Variants in DLG2 observed in about 807,000 individuals in gnomAD.
DLG2 encodes the protein discs large MAGUK scaffold protein 2.
In DLG2, 45 loss-of-function variants were observed where a neutral mutation model predicts 132.5. The ratio of observed to expected loss-of-function variants is 0.34; its 90% CI spans 0.27 to 0.44. DLG2 has a LOEUF of 0.44. DLG2 is among the 20% of genes least tolerant of loss of function. DLG2 has a pLI of 1.00. For synonymous variants in DLG2, 424 were observed against 419.6 expected, an observed-to-expected ratio of 1.01 and a Z score of -0.13; for missense variants, 1,045 against 1,196.9, an observed-to-expected ratio of 0.87 and a Z score of 1.87.
intron 9 of DLG2, among the ~76,000 whole-genome samples, chr11:84,120,667 CAAAT>C (rs989714790): frequency 6.6e-6 from 1 of 152,072 alleles, no homozygotes; most frequent in Non-Finnish European, 1.5e-5. Context: ...AAAAATTAAT[CAAAT>C]AATCTAGACT....
intron 7 of DLG2, among the ~76,000 whole-genome samples, chr11:84,397,044 C>T (rs2098813389): frequency 6.6e-6 from 1 of 152,132 alleles, no homozygotes; most frequent in Non-Finnish European, 1.5e-5. Flanking sequence ...ACTCCCTATG[C>T]AGTATGCATT....
At position 84,474,064 on chromosome 11, in the gene DLG2, G is replaced by A. The variant is rs539975012; in HGVS notation, c.519+60506C>T. On this transcript the variant is annotated intron_variant, in intron 7 of 27. Transcript: ENST00000376104. ...GTTCAATTCATACCTTCCATGTGGG[G>A]TATGACTCTGAAAACCTCCTCTTTC... Among the ~76,000 whole-genome samples, 133 of 152,018 alleles carry A rather than the reference G, an allele frequency of 8.7e-4. 1 individual carries two copies. The highest frequency in any genetic ancestry group is 3.0e-3 in the African/African-American group (125 of 41,504).
At chr11:84,218,297 G>C (rs931698431) in intron 8 of DLG2, among the ~76,000 whole-genome samples, 5 of 139,602 alleles carry the variant, frequency 3.6e-5, no homozygotes, top group African/African-American at 1.3e-4. Context: ...AAGAGAGAAA[G>C]AGAAAGAAAG....
intron 6 of DLG2, among the ~76,000 whole-genome samples, chr11:84,590,463 A>G (rs2099540117): frequency 6.6e-6 from 1 of 152,220 alleles, no homozygotes; most frequent in African/African-American, 2.4e-5. Flanking sequence ...CATGCTTTGT[A>G]ATAGGCAGGC....
chr11:84,569,898 A>G (rs2099473939), intron 6 of DLG2, among the ~76,000 whole-genome samples: 1 of 152,160 alleles, frequency 6.6e-6, no homozygotes, highest in African/African-American at 2.4e-5. Context: ...ATGAACATCC[A>G]CTTTACTTAA....
At chr11:84,648,388 A>C (rs376248394) in intron 6 of DLG2, among the ~76,000 whole-genome samples, 1 of 152,184 alleles carries the variant, frequency 6.6e-6, no homozygotes, top group Non-Finnish European at 1.5e-5. Context: ...AGTGCTTCCC[A>C]GTCTAATACA....
intron 6 of DLG2, among the ~76,000 whole-genome samples, chr11:84,652,524 A>G (rs1421970192): frequency 6.6e-6 from 1 of 152,150 alleles, no homozygotes; most frequent in Non-Finnish European, 1.5e-5. Context: ...ATTTGAAATC[A>G]AACTGTTTAT....
At chr11:85,528,195 C>A (rs186022055) in intron 3 of DLG2, among the ~76,000 whole-genome samples, 1 of 152,258 alleles carries the variant, frequency 6.6e-6, no homozygotes, top group East Asian at 1.9e-4. Context: ...TTAATTAGAT[C>A]CCATTTGTCA....
At chr11:84,502,230 CCT>C (rs1567804031) in intron 7 of DLG2, among the ~76,000 whole-genome samples, 8 of 22,200 alleles carry the variant, frequency 3.6e-4, no homozygotes, top group Admixed American at 3.0e-4. Context: ...TTCCTTCCTT[CCT>C]TCCTTCCTTC....
intron 3 of DLG2, among the ~76,000 whole-genome samples, chr11:85,592,559 GAAT>G (rs2079431395): frequency 6.6e-6 from 1 of 152,088 alleles, no homozygotes; most frequent in Admixed American, 6.5e-5. Flanking sequence ...TCTATCCATA[GAAT>G]AATTATTGTA....
At chr11:83,780,369 C>T (rs556509068) in intron 18 of DLG2, among the ~76,000 whole-genome samples, 2 of 152,168 alleles carry the variant, frequency 1.3e-5, no homozygotes, top group Non-Finnish European at 2.9e-5. Flanking sequence ...CCCCAAATAA[C>T]ATCAGAGTTT....
intron 6 of DLG2, among the ~76,000 whole-genome samples, chr11:84,835,314 G>C (rs2079599340): frequency 6.6e-6 from 1 of 151,566 alleles, no homozygotes; most frequent in Non-Finnish European, 1.5e-5. Context: ...TCTGGAGGTA[G>C]ACAGACCTAC....
chr11:83,909,351 G>A (rs2075634926), intron 15 of DLG2, among the ~76,000 whole-genome samples: 1 of 152,144 alleles, frequency 6.6e-6, no homozygotes. Context: ...ATTCCATCCA[G>A]CTGCAAGGTT....
At chr11:84,931,151 C>A (rs889032805) in intron 6 of DLG2, among the ~76,000 whole-genome samples, 1 of 152,102 alleles carries the variant, frequency 6.6e-6, no homozygotes, top group Non-Finnish European at 1.5e-5. Context: ...CCACCACAAC[C>A]TTTCAGTATT....
At chr11:85,512,923 A>C (rs1166925352) in intron 3 of DLG2, among the ~76,000 whole-genome samples, 1 of 152,102 alleles carries the variant, frequency 6.6e-6, no homozygotes, top group Non-Finnish European at 1.5e-5. Flanking sequence ...TCACAACAGC[A>C]AAAACATGGA....
intron 6 of DLG2, among the ~76,000 whole-genome samples, chr11:84,656,428 A>T (rs1399637069): frequency 6.6e-6 from 1 of 152,170 alleles, no homozygotes; most frequent in African/African-American, 2.4e-5. Flanking sequence ...AATATAATAC[A>T]CTGAAATTTT....
chr11:84,515,318 C>G (rs1048148850), intron 7 of DLG2, among the ~76,000 whole-genome samples: 5 of 141,524 alleles, frequency 3.5e-5, no homozygotes, highest in African/African-American at 5.2e-5. Flanking sequence ...CACACACACC[C>G]CAAATATATG....
chr11:85,268,263 T>C (rs1402350492), intron 4 of DLG2, among the ~76,000 whole-genome samples: 2 of 152,192 alleles, frequency 1.3e-5, no homozygotes, highest in East Asian at 3.9e-4. Context: ...CTGAGATAGA[T>C]GCATATCTGA....
Position 84,217,326 on chromosome 11 carries a change from GT to G in DLG2, c.573+33911del, listed in dbSNP as rs555774722. 4.6e-5 allele frequency among the ~76,000 whole-genome samples: 7 copies of G among 152,266 alleles called. No homozygotes were observed. The East Asian group carries it at 1.4e-3, about 29-fold the overall frequency. On this transcript the variant is annotated intron_variant, in intron 8 of 27. Transcript: ENST00000376104. ...GGAAGTAATTGAATCATGGGGGCAG[GT>G]CTTTCCTGTGCTATTCTCGTGATAG... is the stretch of plus-strand genomic sequence containing the variant.
Sources: gnomAD v4.1 joint callset for allele counts (sites outside exome capture counted in the v4.1 genomes callset) on GRCh38, gnomAD v4.1.1 for gene constraint, MANE v1.5 for transcripts, NCBI Gene and HGNC (gene_info 2026-07-23, HGNC 2026-07-21) for gene names.